TMEM254: variants seen among roughly 807,000 people sequenced by gnomAD.
The protein encoded by TMEM254 is transmembrane protein 254, also known as transmembrane protein C10orf57.
In TMEM254, 16 loss-of-function variants were observed where a neutral mutation model predicts 13.9. The ratio of observed to expected loss-of-function variants is 1.15; its 90% CI spans 0.78 to 1.75. TMEM254 has a LOEUF of 1.75. Among genes scored for constraint, TMEM254 ranks in the 40% most tolerant of loss-of-function variants. The pLI, the probability that TMEM254 is intolerant of heterozygous loss-of-function variation, is 0.00. For missense variants in TMEM254, 155 were observed against 149.0 expected (o/e 1.04, Z -0.21); for synonymous variants, 61 against 56.4 (o/e 1.08, Z -0.36).
chr10:80,090,323 C>A, intron 3 of TMEM254: 2 of 716,158 alleles, frequency 2.8e-6, no homozygotes, highest in South Asian at 3.0e-5. Flanking sequence ...TGTGTATTAT[C>A]CCATAAATCA....
In TMEM254 at chr10:80,080,625, A is replaced by G. The variant is rs143567637; in HGVS notation, c.88-1216A>G. On this transcript the variant is annotated intron_variant, in intron 1 of 3. Transcript: ENST00000372281. The stretch of plus-strand genomic sequence containing the variant: ...AATTTGCTAATATCTTTTATAAAAT[A>G]ATGGTTTTGGTGGAATGTATTAATA... Among the ~76,000 whole-genome samples the G allele has an allele frequency of 3.9e-5, 6 of 152,320 alleles. No individual in the cohort carries two copies. The East Asian group carries it at 9.7e-4, about 25-fold the overall frequency.
At position 80,078,667 on chromosome 10, in the gene TMEM254, C is replaced by T. The variant is rs1465168048; in HGVS notation, c.-33C>T. ...CCTCCGCGCTCGCGCTCGACGGTGT[C>T]CTGAAGCGCGCTCCCGGGGAGGTGT... On this transcript the variant is annotated 5_prime_UTR_variant, in exon 1 of 4. Coordinates refer to ENST00000372281, the MANE Select transcript of TMEM254 (RefSeq NM_025125.4). 2 of 1,566,842 alleles carry T rather than the reference C, an allele frequency of 1.3e-6. No individual in the cohort carries two copies. Among genetic ancestry groups the T allele is most frequent in the South Asian group, 1.2e-5 (1 of 86,490 alleles).
intron 1 of TMEM254, chr10:80,079,384 T>A: frequency 8.8e-7 from 1 of 1,138,918 alleles, no homozygotes; most frequent in Non-Finnish European, 1.1e-6. Flanking sequence ...CACCTCTGCA[T>A]GGTTACTAAC....
intron 1 of TMEM254, among the ~76,000 whole-genome samples, chr10:80,080,754 C>T (rs747179236): frequency 6.8e-6 from 1 of 147,858 alleles, no homozygotes; most frequent in Non-Finnish European, 1.5e-5. Context: ...TCCTGGGCAA[C>T]ATGGCAAAAC....
In TMEM254 at chr10:80,091,387, C is replaced by T. The variant is rs1564575842; in HGVS notation, c.*470C>T. On this transcript the variant is annotated 3_prime_UTR_variant, in exon 4 of 4. Coordinates refer to ENST00000372281, the MANE Select transcript of TMEM254 (RefSeq NM_025125.4). ...TTCCACTATATGTCAATTCCACACACATTTATTAGGTACCTGTGAGGTAGG... is the reference window on the plus strand; with the variant it reads ...TTCCACTATATGTCAATTCCACACATATTTATTAGGTACCTGTGAGGTAGG... The T allele has an allele frequency of 6.5e-6, 1 of 152,696 alleles. No individual in the cohort carries two copies. The highest frequency in any genetic ancestry group is 1.9e-4 in the East Asian group (1 of 5,212). The allele number at this position is 152,696 out of a possible 1,614,324, so 9.5% of individuals were successfully genotyped here.
intron 1 of TMEM254, among the ~76,000 whole-genome samples, chr10:80,080,008 C>T (rs1244356951): frequency 6.6e-6 from 1 of 152,196 alleles, no homozygotes; most frequent in African/African-American, 2.4e-5. Flanking sequence ...TTGTCTTGTC[C>T]ACAGTGTTGT....
chr10:80,081,754 C>T (rs1445049356), intron 1 of TMEM254, 87 bp from the exon 2 acceptor site: 1 of 1,609,232 alleles, frequency 6.2e-7, no homozygotes, highest in Admixed American at 1.7e-5. Context: ...AATTTTTTTA[C>T]TGTTTCACAG....
At position 80,079,363 on chromosome 10, in the gene TMEM254, CTT is replaced by C; in HGVS notation, c.87+579_87+580del. 5 of 1,175,920 alleles carry C rather than the reference CTT, an allele frequency of 4.3e-6. No homozygotes were observed. The South Asian group carries it at 8.2e-5, about 19-fold the overall frequency. The allele number at this position is 1,175,920 out of a possible 1,614,324, so 72.8% of individuals were successfully genotyped here. A position where few individuals can be genotyped will look rare whatever the true frequency, so the allele number is the denominator to read the frequency against. Reference sequence around the variant, plus strand: ...AGTTTCTGCTTTCTAGTGTTCCTGTCTTTGGGTCCTCACCTCTGCATGGTTAC... The same window carrying C: ...AGTTTCTGCTTTCTAGTGTTCCTGTCTGGGTCCTCACCTCTGCATGGTTAC... On this transcript the variant is annotated intron_variant, in intron 1 of 3. Transcript: ENST00000372281.
chr10:80,080,147 T>C (rs1454666421), intron 1 of TMEM254, among the ~76,000 whole-genome samples: 1 of 152,184 alleles, frequency 6.6e-6, no homozygotes, highest in Non-Finnish European at 1.5e-5. Flanking sequence ...TAGAATATAG[T>C]TGGAGGAAAG....
At chr10:80,088,185 T>A (rs1844405177) in intron 3 of TMEM254, among the ~76,000 whole-genome samples, 2 of 152,168 alleles carry the variant, frequency 1.3e-5, no homozygotes, top group South Asian at 2.1e-4. Context: ...TTCTGAACAC[T>A]CTATTCTGTT....
intron 3 of TMEM254, 131 bp from the exon 4 acceptor site, chr10:80,090,665 GA>G (rs1172214411): frequency 7.4e-6 from 6 of 813,462 alleles, no homozygotes; most frequent in Non-Finnish European, 9.4e-6. Flanking sequence ...ATAAGCCAGA[GA>G]AAAGCAGCAA....
chr10:80,083,389 A>C (rs1844149393), intron 3 of TMEM254, among the ~76,000 whole-genome samples: 1 of 152,178 alleles, frequency 6.6e-6, no homozygotes, highest in African/African-American at 2.4e-5. Context: ...TATAGGCATG[A>C]GCCACTGTGC....
intron 1 of TMEM254, chr10:80,079,330 CTT>C (rs1714768108): frequency 8.4e-7 from 1 of 1,193,688 alleles, no homozygotes; most frequent in African/African-American, 1.6e-5. Context: ...TCGGTGGGCT[CTT>C]AGGATAGTTT....
chr10:80,089,885 A>G (rs532458171), intron 3 of TMEM254, among the ~76,000 whole-genome samples: 31 of 151,880 alleles, frequency 2.0e-4, no homozygotes, highest in African/African-American at 6.8e-4. Flanking sequence ...GGCTCCTGTA[A>G]TCCCAGCTAC....
chr10:80,088,797 T>G (rs1275822462), intron 3 of TMEM254, among the ~76,000 whole-genome samples: 1 of 150,722 alleles, frequency 6.6e-6, no homozygotes, highest in Non-Finnish European at 1.5e-5. Flanking sequence ...AGGGTATCAT[T>G]ATGTTGCCAA....
chr10:80,079,125 T>G, intron 1 of TMEM254: 1 of 1,340,900 alleles, frequency 7.5e-7, no homozygotes, highest in Non-Finnish European at 9.9e-7. Flanking sequence ...TACCGCCTAT[T>G]TCCGTCCAGC....
At chr10:80,082,239 C>T (rs1284513265) in intron 3 of TMEM254, 35 bp downstream of exon 3, 1 of 1,609,500 alleles carries the variant, frequency 6.2e-7, no homozygotes. Context: ...TTGCCTTTCT[C>T]TTAGTAGCTA....
chr10:80,080,727 C>T (rs944650822), intron 1 of TMEM254, among the ~76,000 whole-genome samples: 1 of 151,774 alleles, frequency 6.6e-6, no homozygotes, highest in African/African-American at 2.4e-5. Context: ...TCGCTTGAGC[C>T]CAGGAGTTCG....
At chr10:80,086,250 C>T (rs746492068) in intron 3 of TMEM254, 28 of 1,467,972 alleles carry the variant, frequency 1.9e-5, no homozygotes, top group South Asian at 5.6e-5. Context: ...GCTAAGAATA[C>T]GGATAAAGGT....
Sources: gnomAD v4.1 joint callset for allele counts (sites outside exome capture counted in the v4.1 genomes callset) on GRCh38, gnomAD v4.1.1 for gene constraint, MANE v1.5 for transcripts, NCBI Gene and HGNC (gene_info 2026-07-23, HGNC 2026-07-21) for gene names.